The following CDH20 variants were observed in gnomAD, a reference collection of about 807,000 sequenced individuals.
CDH20 encodes the protein cadherin-20.
Under a neutral mutation model 74.2 loss-of-function variants are expected in CDH20, and 29 were observed. The observed-to-expected ratio is 0.39, with a 90% CI of 0.29 to 0.53. The LOEUF (loss-of-function observed/expected upper bound fraction) is 0.53. CDH20 is among the 20% of genes least tolerant of loss of function. CDH20 has a pLI of 0.69. For missense variants in CDH20, 988 were observed against 1,048.3 expected (o/e 0.94, Z 0.79); for synonymous variants, 469 against 405.4 (o/e 1.16, Z -1.88).
chr18:61,408,227 A>G (rs904901642), intron 1 of CDH20, among the ~76,000 whole-genome samples: 24 of 152,262 alleles, frequency 1.6e-4, no homozygotes, highest in African/African-American at 5.5e-4. Context: ...AGGAAATAAG[A>G]GTTTGAAGAT....
At chr18:61,542,674 A>G (rs938538302) in intron 9 of CDH20, among the ~76,000 whole-genome samples, 1 of 152,162 alleles carries the variant, frequency 6.6e-6, no homozygotes, top group South Asian at 2.1e-4. Flanking sequence ...GGTAATTTAT[A>G]AAGAAAAGAG....
At chr18:61,472,143 C>A (rs751552922) in intron 1 of CDH20, among the ~76,000 whole-genome samples, 23 of 152,178 alleles carry the variant, frequency 1.5e-4, no homozygotes, top group Non-Finnish European at 2.8e-4. Flanking sequence ...CAACTGCCAG[C>A]TCCCCTTCCT....
chr18:61,375,897 G>A (rs572450239), intron 1 of CDH20, among the ~76,000 whole-genome samples: 4 of 152,004 alleles, frequency 2.6e-5, no homozygotes, highest in South Asian at 4.2e-4. Context: ...GTATCCAACT[G>A]CATTATCCTT....
At chr18:61,396,295 A>G (rs1472007067) in intron 1 of CDH20, among the ~76,000 whole-genome samples, 1 of 152,194 alleles carries the variant, frequency 6.6e-6, no homozygotes, top group Non-Finnish European at 1.5e-5. Flanking sequence ...AGCCATAAAA[A>G]TCATTTTCCA....
intron 6 of CDH20, among the ~76,000 whole-genome samples, chr18:61,509,730 A>G (rs1911711683): frequency 6.6e-6 from 1 of 152,022 alleles, no homozygotes; most frequent in Admixed American, 6.5e-5. Context: ...GTTTAAGGAG[A>G]AAAGGACAGA....
intron 6 of CDH20, among the ~76,000 whole-genome samples, chr18:61,516,846 T>G (rs1912019097): frequency 1.3e-5 from 2 of 152,118 alleles, no homozygotes; most frequent in Non-Finnish European, 2.9e-5. Context: ...AGCAAGAGTT[T>G]GTGTCAGTAC....
At chr18:61,390,343 G>C (rs1911738959) in intron 1 of CDH20, among the ~76,000 whole-genome samples, 1 of 152,124 alleles carries the variant, frequency 6.6e-6, no homozygotes, top group South Asian at 2.1e-4. Context: ...AATTTTACTT[G>C]ATTGCAAATT....
chr18:61,338,120 G>A (rs889751193), intron 1 of CDH20, among the ~76,000 whole-genome samples: 1 of 151,950 alleles, frequency 6.6e-6, no homozygotes, highest in Non-Finnish European at 1.5e-5. Flanking sequence ...AAATCAAAAG[G>A]GATTGCAAAA....
intron 1 of CDH20, among the ~76,000 whole-genome samples, chr18:61,369,253 G>T (rs939746118): frequency 2.0e-5 from 3 of 152,062 alleles, no homozygotes; most frequent in African/African-American, 7.2e-5. Context: ...ACTTGTAGGG[G>T]TGGAATTGGA....
chr18:61,426,232 C>T (rs1913068095), intron 1 of CDH20, among the ~76,000 whole-genome samples: 1 of 151,754 alleles, frequency 6.6e-6, no homozygotes, highest in Admixed American at 6.6e-5. Context: ...AAAGAGAGCC[C>T]CTTTTCTAGG....
intron 1 of CDH20, among the ~76,000 whole-genome samples, chr18:61,396,616 C>T (rs1428280009): frequency 1.3e-5 from 2 of 152,168 alleles, no homozygotes; most frequent in Admixed American, 6.5e-5. Context: ...TGTAATCAAC[C>T]CAGGATGTGG....
Position 61,550,012 on chromosome 18 carries a change from T to C in CDH20, c.1683T>C (p.Gly561=). The C allele has an allele frequency of 6.2e-7, 1 of 1,614,210 alleles. No homozygotes were observed. The highest frequency in any genetic ancestry group is 8.5e-7 in the Non-Finnish European group (1 of 1,180,026). The change falls in exon 11 of 12, where the codon GGT becomes GGC. Residue 561 remains glycine (G), a synonymous_variant. Coordinates refer to ENST00000262717, the MANE Select transcript of CDH20 (RefSeq NM_031891.4). ...NTARILTRRS[G]FRQQEQSVFH... ...CACGGATTCTAACCAGGAGGTCTGGTTTCCGGCAGCAGGAGCAGAGTGTCT... is the reference window on the plus strand; with the variant it reads ...CACGGATTCTAACCAGGAGGTCTGGCTTCCGGCAGCAGGAGCAGAGTGTCT...
intron 1 of CDH20, among the ~76,000 whole-genome samples, chr18:61,490,113 A>T (rs954951268): frequency 2.6e-5 from 4 of 152,314 alleles, no homozygotes; most frequent in Non-Finnish European, 4.4e-5. Context: ...AAACCAATCA[A>T]TAATACAGTA....
chr18:61,511,230 C>T (rs1490993964), intron 6 of CDH20, among the ~76,000 whole-genome samples: 2 of 151,630 alleles, frequency 1.3e-5, no homozygotes, highest in African/African-American at 4.8e-5. Flanking sequence ...GCTCATGGCT[C>T]ACTGCAGCCT....
intron 1 of CDH20, among the ~76,000 whole-genome samples, chr18:61,449,081 G>A (rs1315319368): frequency 6.6e-6 from 1 of 152,150 alleles, no homozygotes; most frequent in African/African-American, 2.4e-5. Context: ...AAGTTAAGAA[G>A]ACCATATTCA....
At chr18:61,378,103 G>T (rs926646265) in intron 1 of CDH20, among the ~76,000 whole-genome samples, 1 of 152,182 alleles carries the variant, frequency 6.6e-6, no homozygotes, top group Non-Finnish European at 1.5e-5. Context: ...CTGAAGAACA[G>T]ATTGCTCACT....
intron 1 of CDH20, among the ~76,000 whole-genome samples, chr18:61,385,586 A>G (rs531206144): frequency 7.1e-6 from 1 of 141,140 alleles, no homozygotes; most frequent in South Asian, 2.3e-4. Flanking sequence ...AAATTTGGGG[A>G]AAAAAAACCT....
chr18:61,433,824 G>A (rs538021254), intron 1 of CDH20, among the ~76,000 whole-genome samples: 100 of 152,226 alleles, frequency 6.6e-4, no homozygotes, highest in African/African-American at 2.4e-3. Context: ...ATTTTGGCTT[G>A]CATTGGCTTT....
chr18:61,493,487 CCTCA>C (rs1911031462), intron 2 of CDH20, among the ~76,000 whole-genome samples: 1 of 152,170 alleles, frequency 6.6e-6, no homozygotes, highest in Admixed American at 6.5e-5. Flanking sequence ...CTTCCTCCTC[CCTCA>C]CTCAGCCCTC....
Sources: gnomAD v4.1 joint callset for allele counts (sites outside exome capture counted in the v4.1 genomes callset) on GRCh38, gnomAD v4.1.1 for gene constraint, MANE v1.5 for transcripts, NCBI Gene and HGNC (gene_info 2026-07-23, HGNC 2026-07-21) for gene names.